Variants in TRAPPC9 observed in about 807,000 individuals in gnomAD.
TRAPPC9 encodes the protein trafficking protein particle complex subunit 9.
Under a neutral mutation model 124.0 loss-of-function variants are expected in TRAPPC9, and 83 were observed. The ratio of observed to expected loss-of-function variants is 0.67; its 90% confidence interval spans 0.56 to 0.80. The LOEUF (loss-of-function observed/expected upper bound fraction) is 0.80. TRAPPC9 is among the 30% of genes least tolerant of loss of function. The pLI, the probability that TRAPPC9 is intolerant of heterozygous loss-of-function variation, is 0.00. For missense variants in TRAPPC9, 1,302 were observed against 1,508.3 expected, an observed-to-expected ratio of 0.86 and a Z score of 2.27; for synonymous variants, 638 against 617.5, an observed-to-expected ratio of 1.03 and a Z score of -0.49.
At chr8:140,201,011 G>T (rs1465706333) in intron 17 of TRAPPC9, among the ~76,000 whole-genome samples, 2 of 152,198 alleles carry the variant, frequency 1.3e-5, no homozygotes, top group Non-Finnish European at 2.9e-5. Context: ...GAAAACAGAT[G>T]TAATATTCTT....
Position 139,831,112 on chromosome 8 carries a change from G to A in TRAPPC9, c.3055+54767C>T, listed in dbSNP as rs528534446. On this transcript the variant is annotated intron_variant, in intron 21 of 22. Transcript: ENST00000438773. Reference sequence around the variant, plus strand: ...GGAGCTCCCTGTGGGCACTCAGTGGGCAAACAGGAGAGAGGGCTGGGAATT... The same window carrying A: ...GGAGCTCCCTGTGGGCACTCAGTGGACAAACAGGAGAGAGGGCTGGGAATT... Among the ~76,000 whole-genome samples the A allele has an allele frequency of 1.3e-4, 20 of 152,340 alleles. No individual in the cohort carries two copies. The South Asian group carries it at 2.5e-3, about 19-fold the overall frequency.
chr8:139,763,792 A>G (rs766585273), intron 21 of TRAPPC9, among the ~76,000 whole-genome samples: 1 of 152,232 alleles, frequency 6.6e-6, no homozygotes, highest in South Asian at 2.1e-4. Context: ...TCGAAGCTGT[A>G]CAAGCTAAGA....
chr8:140,019,316 T>C (rs1366252685), intron 18 of TRAPPC9, among the ~76,000 whole-genome samples: 1 of 152,120 alleles, frequency 6.6e-6, no homozygotes, highest in Non-Finnish European at 1.5e-5. Context: ...GTTGGTATCA[T>C]AAAATGGAAG....
chr8:140,445,310 G>A (rs550427676), intron 2 of TRAPPC9, among the ~76,000 whole-genome samples: 112 of 152,312 alleles, frequency 7.4e-4, no homozygotes, highest in Non-Finnish European at 1.4e-3. Flanking sequence ...CAAGCTTCCC[G>A]TAAATGTGTG....
At chr8:139,887,225 T>C (rs1267100646) in intron 20 of TRAPPC9, among the ~76,000 whole-genome samples, 1 of 150,346 alleles carries the variant, frequency 6.7e-6, no homozygotes, top group Non-Finnish European at 1.5e-5. Flanking sequence ...AGCTTTTTTT[T>C]TTTTTTTTTT....
chr8:140,264,740 T>C (rs527571688), intron 15 of TRAPPC9, among the ~76,000 whole-genome samples: 8 of 152,276 alleles, frequency 5.3e-5, no homozygotes, highest in African/African-American at 1.9e-4. Context: ...CTTAACAATT[T>C]GGATGTTCTG....
intron 21 of TRAPPC9, among the ~76,000 whole-genome samples, chr8:139,824,333 G>C (rs1347276992): frequency 6.6e-6 from 1 of 151,996 alleles, no homozygotes; most frequent in Non-Finnish European, 1.5e-5. Flanking sequence ...GCAGAGCTTC[G>C]GGGGCCTGCA....
intron 21 of TRAPPC9, among the ~76,000 whole-genome samples, chr8:139,832,334 T>G (rs1435557095): frequency 1.3e-5 from 2 of 152,366 alleles, no homozygotes; most frequent in Middle Eastern, 3.4e-3. Context: ...ATACTCGAAA[T>G]CTGACAAGGC....
intron 16 of TRAPPC9, among the ~76,000 whole-genome samples, chr8:140,229,934 T>G (rs1486455176): frequency 6.6e-6 from 1 of 152,082 alleles, no homozygotes; most frequent in African/African-American, 2.4e-5. Flanking sequence ...GCAGAAAAGG[T>G]CCTTTAAAGT....
intron 17 of TRAPPC9, among the ~76,000 whole-genome samples, chr8:140,161,893 T>C (rs1253409245): frequency 1.3e-5 from 2 of 151,978 alleles, no homozygotes; most frequent in Non-Finnish European, 2.9e-5. Flanking sequence ...AGCAGCGGCA[T>C]GGTGCAGAGA....
chr8:139,797,559 T>C (rs746112293), intron 21 of TRAPPC9, among the ~76,000 whole-genome samples: 1 of 152,180 alleles, frequency 6.6e-6, no homozygotes, highest in Non-Finnish European at 1.5e-5. Flanking sequence ...AGCACCTGGC[T>C]ATATTTATTT....
chr8:139,848,745 C>T (rs1354567346), intron 21 of TRAPPC9, among the ~76,000 whole-genome samples: 1 of 152,086 alleles, frequency 6.6e-6, no homozygotes, highest in Non-Finnish European at 1.5e-5. Flanking sequence ...GTGGTGTGTG[C>T]CCATGTTCCC....
At chr8:140,345,459 G>A (rs183625464) in intron 9 of TRAPPC9, among the ~76,000 whole-genome samples, 27 of 152,324 alleles carry the variant, frequency 1.8e-4, no homozygotes, top group Admixed American at 1.8e-3. Flanking sequence ...TGAGGTCCTG[G>A]GGGCAGAGGA....
At chr8:139,786,715 ATAC>A (rs774534599) in intron 21 of TRAPPC9, among the ~76,000 whole-genome samples, 3 of 152,242 alleles carry the variant, frequency 2.0e-5, no homozygotes, top group Non-Finnish European at 4.4e-5. Context: ...ATACAGTGGA[ATAC>A]TACTCAGCAG....
intron 17 of TRAPPC9, among the ~76,000 whole-genome samples, chr8:140,192,525 G>A (rs923576610): frequency 1.4e-4 from 22 of 152,228 alleles, no homozygotes; most frequent in African/African-American, 5.3e-4. Flanking sequence ...TGGTGCAGGG[G>A]AGGAGCAAGC....
chr8:140,377,581 C>T (rs568388957), intron 7 of TRAPPC9, among the ~76,000 whole-genome samples: 4 of 152,346 alleles, frequency 2.6e-5, no homozygotes, highest in African/African-American at 9.6e-5. Context: ...AGGCATGAGC[C>T]ACTGCACCCA....
At chr8:139,736,923 G>A (rs112972928) in intron 21 of TRAPPC9, among the ~76,000 whole-genome samples, 25 of 152,282 alleles carry the variant, frequency 1.6e-4, no homozygotes, top group African/African-American at 5.8e-4. Context: ...GGGCTGCAAG[G>A]AGCATATAAG....
intron 17 of TRAPPC9, among the ~76,000 whole-genome samples, chr8:140,060,155 T>C (rs576136483): frequency 1.3e-5 from 2 of 152,356 alleles, no homozygotes; most frequent in South Asian, 2.1e-4. Context: ...TGATGCCTGT[T>C]TTCCAGTCCT....
intron 10 of TRAPPC9, among the ~76,000 whole-genome samples, chr8:140,301,470 G>C (rs2065974778): frequency 6.6e-6 from 1 of 152,192 alleles, no homozygotes; most frequent in South Asian, 2.1e-4. Flanking sequence ...TAAGTATACT[G>C]TCGCAAATCC....
Sources: allele counts gnomAD v4.1 joint callset (sites outside exome capture counted in the v4.1 genomes callset), GRCh38; gene constraint gnomAD v4.1.1; transcripts MANE v1.5; gene names NCBI Gene and HGNC (gene_info 2026-07-23, HGNC 2026-07-21).